The following JAZF1 variants were observed in gnomAD, a reference collection of about 807,000 sequenced individuals.
JAZF1 encodes the protein juxtaposed with another zinc finger protein 1.
JAZF1 carries 8 observed loss-of-function variants against 26.4 expected under a neutral mutation model. That is an observed-to-expected ratio of 0.30 (90% CI 0.18 to 0.55). The LOEUF is 0.55. Among genes scored for constraint, JAZF1 ranks in the 20% least tolerant of loss-of-function variants. JAZF1 has a pLI of 0.94. For synonymous variants in JAZF1, 126 were observed against 122.3 expected (o/e 1.03, Z -0.20); for missense variants, 199 against 322.0 (o/e 0.62, Z 2.92).
intron 2 of JAZF1, among the ~76,000 whole-genome samples, chr7:27,896,510 T>TC (rs1491003277): frequency 4.6e-5 from 7 of 152,124 alleles, no homozygotes; most frequent in African/African-American, 1.7e-4. Flanking sequence ...CTCCAACACC[T>TC]CCCGCATCAA....
At chr7:28,073,223 A>C (rs951104683) in intron 1 of JAZF1, among the ~76,000 whole-genome samples, 3 of 152,190 alleles carry the variant, frequency 2.0e-5, no homozygotes, top group African/African-American at 7.2e-5. Context: ...AGGGTACTTG[A>C]GTTAGCAGAG....
At chr7:28,066,756 G>A (rs1023008061) in intron 1 of JAZF1, among the ~76,000 whole-genome samples, 1 of 152,084 alleles carries the variant, frequency 6.6e-6, no homozygotes, top group Non-Finnish European at 1.5e-5. Context: ...ACCACCTAAT[G>A]GCACCTTCCA....
chr7:27,911,732 G>A (rs1215321356), intron 2 of JAZF1, among the ~76,000 whole-genome samples: 1 of 152,078 alleles, frequency 6.6e-6, no homozygotes, highest in African/African-American at 2.4e-5. Context: ...TCAAGGATGT[G>A]GACAAACAGG....
intron 1 of JAZF1, among the ~76,000 whole-genome samples, chr7:28,158,573 A>G (rs570208523): frequency 6.6e-6 from 1 of 152,260 alleles, no homozygotes; most frequent in Non-Finnish European, 1.5e-5. Context: ...ATTAGATCCT[A>G]TTTCCACAAC....
rs1446393210 is a variant in JAZF1, at chr7:27,832,996, A to T, written c.556-20T>A. ...CACATTCTGTGGAGAAGACAAAAATATTTATTACATGGATTCACAGGATAC... is the reference window on the plus strand; with the variant it reads ...CACATTCTGTGGAGAAGACAAAAATTTTTATTACATGGATTCACAGGATAC... On this transcript the variant is annotated intron_variant, in intron 4 of 4. Coordinates refer to ENST00000283928, the MANE Select transcript of JAZF1 (RefSeq NM_175061.4). 5.9e-6 allele frequency: 9 copies of T among 1,526,798 alleles called. No homozygotes were observed. The highest frequency in any genetic ancestry group is 7.1e-6 in the Non-Finnish European group (8 of 1,131,730). 94.6% of individuals were successfully genotyped at this position (1,526,798 alleles called of 1,614,324 possible). A position where few individuals can be genotyped will look rare whatever the true frequency, so the allele number is the denominator to read the frequency against.
chr7:27,844,377 C>G (rs1782980584), intron 3 of JAZF1: 1 of 152,242 alleles, frequency 6.6e-6, no homozygotes, highest in Non-Finnish European at 1.5e-5. Flanking sequence ...TCAATTGCTG[C>G]TTCAGCTGCT....
At chr7:28,008,012 T>C (rs1284117018) in intron 1 of JAZF1, among the ~76,000 whole-genome samples, 2 of 152,166 alleles carry the variant, frequency 1.3e-5, no homozygotes, top group African/African-American at 4.8e-5. Flanking sequence ...TGCAACACTG[T>C]TACTGCACCT....
chr7:28,059,238 A>G (rs538668503), intron 1 of JAZF1, among the ~76,000 whole-genome samples: 1 of 152,234 alleles, frequency 6.6e-6, no homozygotes, highest in East Asian at 1.9e-4. Flanking sequence ...AATTTTACAT[A>G]CTTTTCATTT....
intron 1 of JAZF1, among the ~76,000 whole-genome samples, chr7:28,080,885 A>C (rs570493898): frequency 3.2e-4 from 48 of 152,146 alleles, no homozygotes; most frequent in Non-Finnish European, 6.0e-4. Context: ...CAGAGACATA[A>C]AGCAAGCACA....
chr7:27,956,103 A>T (rs2128355970), intron 2 of JAZF1, among the ~76,000 whole-genome samples: 1 of 152,320 alleles, frequency 6.6e-6, no homozygotes, highest in South Asian at 2.1e-4. Flanking sequence ...AAGTAGTGAC[A>T]GAGTGTCAAG....
chr7:28,128,358 C>T (rs998780733), intron 1 of JAZF1, among the ~76,000 whole-genome samples: 1 of 152,040 alleles, frequency 6.6e-6, no homozygotes, highest in African/African-American at 2.4e-5. Flanking sequence ...CCTGTCTCTA[C>T]TAAAAATACA....
chr7:27,862,357 G>A lies in JAZF1; in HGVS notation c.386-21490C>T, dbSNP rs116908645. Among the ~76,000 whole-genome samples the A allele has an allele frequency of 3.4e-3, 489 of 145,400 alleles. 1 individual carries two copies. Among genetic ancestry groups the A allele is most frequent in the Admixed American group, 6.6e-3 (97 of 14,694 alleles). ...AGCTTTTCAACCCTTGTCCCCTCCC[G>A]CCTCCCCCGCCCCAGAGGTCCCCAG... On this transcript the variant is annotated intron_variant, in intron 3 of 4. Coordinates refer to ENST00000283928, the MANE Select transcript of JAZF1 (RefSeq NM_175061.4).
intron 1 of JAZF1, among the ~76,000 whole-genome samples, chr7:28,165,658 C>A (rs1273484022): frequency 3.9e-5 from 6 of 152,154 alleles, no homozygotes; most frequent in Non-Finnish European, 5.9e-5. Context: ...CCTAGATGCC[C>A]CAATGGCTCA....
chr7:28,003,610 C>T (rs1421392891), intron 1 of JAZF1, among the ~76,000 whole-genome samples: 5 of 152,224 alleles, frequency 3.3e-5, no homozygotes, highest in Non-Finnish European at 7.3e-5. Context: ...CAAACACTGA[C>T]ATAGGAGTGG....
At chr7:28,086,174 C>T (rs1367450882) in intron 1 of JAZF1, among the ~76,000 whole-genome samples, 1 of 152,176 alleles carries the variant, frequency 6.6e-6, no homozygotes, top group Non-Finnish European at 1.5e-5. Context: ...CATGCCATCC[C>T]AATAATTCTG....
chr7:27,947,100 A>G (rs1349139674), intron 2 of JAZF1, among the ~76,000 whole-genome samples: 1 of 152,168 alleles, frequency 6.6e-6, no homozygotes, highest in African/African-American at 2.4e-5. Flanking sequence ...TCCTCTCACA[A>G]AGCAATTTGT....
chr7:27,983,612 A>T (rs1453765046), intron 2 of JAZF1, among the ~76,000 whole-genome samples: 1 of 152,066 alleles, frequency 6.6e-6, no homozygotes, highest in South Asian at 2.1e-4. Flanking sequence ...CCACAAAGAT[A>T]CTCCTCGAGA....
chr7:28,032,353 G>T (rs1783206850), intron 1 of JAZF1, among the ~76,000 whole-genome samples: 1 of 152,098 alleles, frequency 6.6e-6, no homozygotes, highest in African/African-American at 2.4e-5. Flanking sequence ...AAATAGATCT[G>T]CAATTTGGAA....
chr7:28,060,991 G>C (rs1783788731), intron 1 of JAZF1, among the ~76,000 whole-genome samples: 1 of 152,230 alleles, frequency 6.6e-6, no homozygotes, highest in South Asian at 2.1e-4. Flanking sequence ...GGTTCAGAAT[G>C]AGAGCTTTGA....
Sources: allele counts gnomAD v4.1 joint callset (sites outside exome capture counted in the v4.1 genomes callset), GRCh38; gene constraint gnomAD v4.1.1; transcripts MANE v1.5; gene names NCBI Gene and HGNC (gene_info 2026-07-23, HGNC 2026-07-21).